Variants in SEMA3E observed in about 807,000 individuals in gnomAD.
SEMA3E encodes semaphorin-3E.
Under a neutral mutation model 93.6 loss-of-function variants are expected in SEMA3E, and 49 were observed. The ratio of observed to expected loss-of-function variants is 0.52; its 90% CI spans 0.42 to 0.66. The LOEUF (loss-of-function observed/expected upper bound fraction) is 0.66, where lower values mean the gene tolerates loss of function less well. Among genes scored for constraint, SEMA3E ranks in the 30% least tolerant of loss-of-function variants. The probability of loss-of-function intolerance (pLI) is 0.00; values close to 1 mark genes in which losing one functional copy is unlikely to be tolerated. For synonymous variants in SEMA3E, 363 were observed against 330.7 expected (o/e 1.10, Z -1.06); for missense variants, 906 against 964.8 (o/e 0.94, Z 0.81).
At chr7:83,522,818 A>G (rs1315501788) in intron 1 of SEMA3E, among the ~76,000 whole-genome samples, 1 of 152,080 alleles carries the variant, frequency 6.6e-6, no homozygotes, top group Non-Finnish European at 1.5e-5. Context: ...TATTTGGTTC[A>G]GTGTCTCATC....
intron 1 of SEMA3E, among the ~76,000 whole-genome samples, chr7:83,597,196 T>A (rs1207193677): frequency 6.6e-6 from 1 of 152,132 alleles, no homozygotes; most frequent in Non-Finnish European, 1.5e-5. Flanking sequence ...ACAATGTGGT[T>A]CAAAAAGTCT....
rs765052488 is a variant in SEMA3E, at chr7:83,408,472, G to C, written c.566C>G (p.Ala189Gly). 5.6e-6 allele frequency: 9 copies of C among 1,613,680 alleles called. No homozygotes were observed. The highest frequency in any genetic ancestry group is 7.6e-6 in the Non-Finnish European group (9 of 1,179,796). ...GCTCCAGTAGTCACTGTAGAGTCCAGCAAACAATTCACTACCTACACGGGA... is the reference window on the plus strand; with the variant it reads ...GCTCCAGTAGTCACTGTAGAGTCCACCAAACAATTCACTACCTACACGGGA... ...ISTLIGSELF[A>G]GLYSDYWSRD... Residue 189 changes from alanine to glycine, a missense_variant, in exon 6 of 17, where the codon GCT (alanine) becomes GGT (glycine). Ala to Gly is a moderately conservative substitution (Grantham distance 60). Coordinates refer to ENST00000643230, the MANE Select transcript of SEMA3E (RefSeq NM_012431.3).
At chr7:83,406,712 T>A (rs1223613266) in intron 7 of SEMA3E, among the ~76,000 whole-genome samples, 2 of 152,148 alleles carry the variant, frequency 1.3e-5, no homozygotes, top group African/African-American at 4.8e-5. Context: ...ATGGCTTTTT[T>A]AAAAATAATT....
chr7:83,489,078 A>G (rs1449725324), intron 2 of SEMA3E, among the ~76,000 whole-genome samples: 1 of 152,078 alleles, frequency 6.6e-6, no homozygotes, highest in African/African-American at 2.4e-5. Context: ...CTAATAGGTA[A>G]AGACACTGGT....
chr7:83,569,451 TA>T (rs1285631430), intron 1 of SEMA3E, among the ~76,000 whole-genome samples: 1 of 152,084 alleles, frequency 6.6e-6, no homozygotes, highest in Non-Finnish European at 1.5e-5. Context: ...CAAACTGGAT[TA>T]AAAAACAAGA....
intron 1 of SEMA3E, among the ~76,000 whole-genome samples, chr7:83,639,620 A>G (rs915165303): frequency 1.2e-4 from 18 of 151,274 alleles, no homozygotes; most frequent in African/African-American, 3.9e-4. Flanking sequence ...AAAGTATTAT[A>G]AGATACTATA....
At chr7:83,550,269 A>G (rs1475562812) in intron 1 of SEMA3E, among the ~76,000 whole-genome samples, 1 of 152,068 alleles carries the variant, frequency 6.6e-6, no homozygotes, top group African/African-American at 2.4e-5. Context: ...CCTTGTTTTG[A>G]AGAACTAATC....
chr7:83,564,143 T>C (rs765024721), intron 1 of SEMA3E, among the ~76,000 whole-genome samples: 18 of 152,206 alleles, frequency 1.2e-4, no homozygotes, highest in Non-Finnish European at 2.6e-4. Flanking sequence ...AAGCCATTAT[T>C]TTACATAGTC....
intron 1 of SEMA3E, among the ~76,000 whole-genome samples, chr7:83,575,637 A>G (rs1397853764): frequency 6.6e-6 from 1 of 152,160 alleles, no homozygotes; most frequent in East Asian, 1.9e-4. Context: ...AACAGCTGTA[A>G]CAGATCTGCT....
At chr7:83,548,740 G>C (rs1164843086) in intron 1 of SEMA3E, among the ~76,000 whole-genome samples, 1 of 152,072 alleles carries the variant, frequency 6.6e-6, no homozygotes, top group African/African-American at 2.4e-5. Flanking sequence ...ACACTAATAT[G>C]TTGTTCCTAA....
At chr7:83,433,305 T>C (rs1788929169) in intron 4 of SEMA3E, among the ~76,000 whole-genome samples, 1 of 152,130 alleles carries the variant, frequency 6.6e-6, no homozygotes, top group Non-Finnish European at 1.5e-5. Context: ...AACTAATAGT[T>C]ACAAAGGGAA....
At chr7:83,546,585 T>C (rs1253378919) in intron 1 of SEMA3E, among the ~76,000 whole-genome samples, 1 of 152,046 alleles carries the variant, frequency 6.6e-6, no homozygotes, top group African/African-American at 2.4e-5. Flanking sequence ...CATTAGCTGA[T>C]ATAGATTTCA....
intron 2 of SEMA3E, 128 bp downstream of exon 2, chr7:83,489,982 CTAAT>C: frequency 1.2e-6 from 1 of 813,048 alleles, no homozygotes. Context: ...TCAGTTTTAA[CTAAT>C]ATTTTATTTA....
At chr7:83,641,325 A>G in intron 1 of SEMA3E, 1 of 954,718 alleles carries the variant, frequency 1.0e-6, no homozygotes, top group Non-Finnish European at 1.2e-6. Context: ...GGCACCAGAT[A>G]TCTTACCTGT....
At chr7:83,625,312 C>T (rs991861371) in intron 1 of SEMA3E, among the ~76,000 whole-genome samples, 1 of 152,002 alleles carries the variant, frequency 6.6e-6, no homozygotes, top group African/African-American at 2.4e-5. Context: ...AATTAATTTG[C>T]ACAGTATGGC....
At chr7:83,469,326 T>G in intron 2 of SEMA3E, 24 bp from the exon 3 acceptor site, 1 of 1,490,588 alleles carries the variant, frequency 6.7e-7, no homozygotes. Flanking sequence ...TAATGTACTA[T>G]TATGACAACT....
intron 1 of SEMA3E, among the ~76,000 whole-genome samples, chr7:83,517,609 A>G (rs1187972995): frequency 6.6e-6 from 1 of 152,106 alleles, no homozygotes; most frequent in African/African-American, 2.4e-5. Context: ...CTTTACCTTT[A>G]TTATGTAGAA....
At chr7:83,623,779 A>G (rs1433779896) in intron 1 of SEMA3E, among the ~76,000 whole-genome samples, 1 of 151,830 alleles carries the variant, frequency 6.6e-6, no homozygotes, top group African/African-American at 2.4e-5. Context: ...CATAATGTGC[A>G]GTTTATTACA....
intron 4 of SEMA3E, among the ~76,000 whole-genome samples, chr7:83,455,224 C>T (rs1225508328): frequency 1.3e-5 from 2 of 152,138 alleles, no homozygotes; most frequent in Non-Finnish European, 2.9e-5. Flanking sequence ...ATACTGTACC[C>T]TGTTAAAATA....
Sources: gnomAD v4.1 joint callset for allele counts (sites outside exome capture counted in the v4.1 genomes callset) on GRCh38, gnomAD v4.1.1 for gene constraint, MANE v1.5 for transcripts, NCBI Gene and HGNC (gene_info 2026-07-23, HGNC 2026-07-21) for gene names.